The following NAALADL2 variants were observed in gnomAD, a reference collection of about 807,000 sequenced individuals.
NAALADL2 encodes inactive N-acetylated-alpha-linked acidic dipeptidase-like protein 2.
In NAALADL2, 76 loss-of-function variants were observed where a neutral mutation model predicts 87.2. The ratio of observed to expected loss-of-function variants is 0.87; its 90% CI spans 0.72 to 1.05. NAALADL2 has a LOEUF of 1.05. Ranked by LOEUF, NAALADL2 falls within the 50% of genes least tolerant of loss-of-function variation. The pLI, the probability that NAALADL2 is intolerant of heterozygous loss-of-function variation, is 0.00. For synonymous variants in NAALADL2, 354 were observed against 331.0 expected (o/e 1.07, Z -0.75); for missense variants, 1,089 against 945.8 (o/e 1.15, Z -1.99).
intron 5 of NAALADL2, among the ~76,000 whole-genome samples, chr3:175,401,954 C>G (rs545399187): frequency 6.6e-6 from 1 of 152,048 alleles, no homozygotes; most frequent in South Asian, 2.1e-4. Context: ...ATGTTAAAGC[C>G]TAGTTGAGAT....
At chr3:175,237,547 A>G (rs777993327) in intron 3 of NAALADL2, among the ~76,000 whole-genome samples, 17 of 152,086 alleles carry the variant, frequency 1.1e-4, no homozygotes, top group Non-Finnish European at 2.1e-4. Flanking sequence ...CATTTTGGTT[A>G]TATGTTCGAT....
intron 3 of NAALADL2, among the ~76,000 whole-genome samples, chr3:175,247,764 A>G (rs1748256239): frequency 6.6e-6 from 1 of 152,204 alleles, no homozygotes; most frequent in South Asian, 2.1e-4. Context: ...GTGCAACTGC[A>G]CAGGTCACAA....
rs34303846 is a variant in NAALADL2 at position 174,853,201 on chromosome 3, C to CAAAAAA, written c.-9+115477_-9+115482dup. 3.2e-3 allele frequency among the ~76,000 whole-genome samples: 145 copies of CAAAAAA among 45,616 alleles called. 12 individuals are homozygous for CAAAAAA. Among genetic ancestry groups the CAAAAAA allele is most frequent in the African/African-American group, 6.5e-3 (73 of 11,258 alleles). The allele number at this position is 45,616 out of a possible 152,430, so 29.9% of individuals were successfully genotyped here. ...CAACATGGTGAAACCCCGTCTCTAC[C>CAAAAAA]AAAAAAAAAAAAAAAAAAAAAAAAA... On this transcript the variant is annotated intron_variant, in intron 3 of 3. Coordinates refer to the NAALADL2 transcript ENST00000434257.
At chr3:175,685,081 T>C (rs1286317951) in intron 11 of NAALADL2, among the ~76,000 whole-genome samples, 1 of 152,150 alleles carries the variant, frequency 6.6e-6, no homozygotes, top group African/African-American at 2.4e-5. Context: ...GATACCTCAC[T>C]CCCATATCAA....
intron 2 of NAALADL2, among the ~76,000 whole-genome samples, chr3:174,705,560 G>T (rs908952296): frequency 5.3e-5 from 8 of 152,186 alleles, no homozygotes; most frequent in South Asian, 2.1e-4. Flanking sequence ...CGAGGCGGGT[G>T]GATCACGAGG....
chr3:175,299,221 C>T (rs898043553), intron 4 of NAALADL2, among the ~76,000 whole-genome samples: 1 of 151,936 alleles, frequency 6.6e-6, no homozygotes, highest in Admixed American at 6.6e-5. Context: ...CAGCTTTGTT[C>T]TTTTTGCTTA....
chr3:174,445,709 C>A (rs1163239810), intron 1 of NAALADL2, among the ~76,000 whole-genome samples: 1 of 152,010 alleles, frequency 6.6e-6, no homozygotes, highest in Non-Finnish European at 1.5e-5. Context: ...TTATTAAAAT[C>A]TATAGTGATA....
chr3:175,234,176 C>G lies in NAALADL2; in HGVS notation c.791C>G (p.Ala264Gly). 1 of 1,613,774 alleles carries G rather than the reference C, an allele frequency of 6.2e-7. No homozygotes were observed. The highest frequency in any genetic ancestry group is 8.5e-7 in the Non-Finnish European group (1 of 1,179,760). ...DSSQDLLYSYAAYSAKGTLKA... is the reference protein window; with the variant it reads ...DSSQDLLYSYGAYSAKGTLKA... ...AGCCAAGACCTGCTCTATTCATATG[C>G]AGCCTATTCTGCCAAAGGAACTCTC... Residue 264 changes from alanine (A) to glycine (G), a missense_variant, in exon 3 of 14, where the codon GCA (alanine) becomes GGA (glycine). By Grantham distance (60) the Ala-to-Gly change is moderately conservative. Coordinates refer to ENST00000454872, the MANE Select transcript of NAALADL2 (RefSeq NM_207015.3).
intron 5 of NAALADL2, among the ~76,000 whole-genome samples, chr3:175,397,530 G>A (rs1173745673): frequency 6.6e-6 from 1 of 152,158 alleles, no homozygotes; most frequent in Non-Finnish European, 1.5e-5. Flanking sequence ...CCTAGGGACA[G>A]GAAGGCTGAG....
intron 1 of NAALADL2, among the ~76,000 whole-genome samples, chr3:175,040,745 C>T (rs909823285): frequency 6.6e-6 from 1 of 152,086 alleles, no homozygotes; most frequent in Non-Finnish European, 1.5e-5. Context: ...TCATAAAATC[C>T]TCTATCCTTC....
chr3:174,863,647 T>C (rs1289872567), intron 1 of NAALADL2, among the ~76,000 whole-genome samples: 1 of 152,058 alleles, frequency 6.6e-6, no homozygotes, highest in Non-Finnish European at 1.5e-5. Context: ...CTGAGGGTAG[T>C]AGTACTTTGT....
chr3:175,207,749 A>AC (rs1741158255), intron 2 of NAALADL2, among the ~76,000 whole-genome samples: 1 of 152,124 alleles, frequency 6.6e-6, no homozygotes, highest in African/African-American at 2.4e-5. Context: ...TTCCTTTTAT[A>AC]TGATGTTTAA....
At chr3:175,006,608 T>C (rs1749057391) in intron 1 of NAALADL2, among the ~76,000 whole-genome samples, 1 of 151,438 alleles carries the variant, frequency 6.6e-6, no homozygotes, top group African/African-American at 2.4e-5. Context: ...TTATACAACA[T>C]AGTTTCTTGT....
At chr3:175,641,025 G>A (rs1729217782) in intron 11 of NAALADL2, among the ~76,000 whole-genome samples, 1 of 152,122 alleles carries the variant, frequency 6.6e-6, no homozygotes, top group African/African-American at 2.4e-5. Flanking sequence ...TAAAAAAAAG[G>A]GATGCATTTA....
intron 1 of NAALADL2, among the ~76,000 whole-genome samples, chr3:175,069,928 C>T (rs906868884): frequency 6.8e-5 from 10 of 147,626 alleles, no homozygotes; most frequent in African/African-American, 1.2e-4. Flanking sequence ...AACCAAACAC[C>T]GCATATTCTC....
intron 9 of NAALADL2, among the ~76,000 whole-genome samples, chr3:175,530,759 C>A (rs1560711306): frequency 6.6e-6 from 1 of 152,184 alleles, no homozygotes; most frequent in Non-Finnish European, 1.5e-5. Context: ...CGAGATCCAT[C>A]ACGTATATAC....
chr3:175,149,020 A>G (rs1167399939), intron 2 of NAALADL2, among the ~76,000 whole-genome samples: 2 of 152,248 alleles, frequency 1.3e-5, no homozygotes, highest in East Asian at 3.9e-4. Flanking sequence ...ATAACATTGA[A>G]TCTATAGATT....
chr3:174,456,411 C>CCAAAAAA (rs1715834641), intron 1 of NAALADL2, among the ~76,000 whole-genome samples: 1 of 56,396 alleles, frequency 1.8e-5, no homozygotes, highest in East Asian at 5.6e-4. Context: ...CAATCCTAAG[C>CCAAAAAA]AAAAAAAAAA....
At chr3:175,288,799 G>A (rs1029947321) in intron 4 of NAALADL2, among the ~76,000 whole-genome samples, 2 of 152,176 alleles carry the variant, frequency 1.3e-5, no homozygotes, top group South Asian at 2.1e-4. Context: ...TGAGTGGAAT[G>A]CTGAGCTCTA....
Sources: allele counts gnomAD v4.1 joint callset (sites outside exome capture counted in the v4.1 genomes callset), GRCh38; gene constraint gnomAD v4.1.1; transcripts MANE v1.5; gene names NCBI Gene and HGNC (gene_info 2026-07-23, HGNC 2026-07-21).